Variants in SRRM4 observed in about 807,000 individuals in gnomAD.
The protein encoded by SRRM4 is serine/arginine repetitive matrix 4.
A neutral mutation model predicts 68.9 loss-of-function variants in SRRM4; 33 were observed. That is an observed-to-expected ratio of 0.48 (90% CI 0.36 to 0.64). The LOEUF is 0.64. Among genes scored for constraint, SRRM4 ranks in the 30% least tolerant of loss-of-function variants. The pLI is 0.00. For missense variants in SRRM4, 817 were observed against 827.1 expected, an observed-to-expected ratio of 0.99 and a Z score of 0.15; for synonymous variants, 318 against 318.8, an observed-to-expected ratio of 1.00 and a Z score of 0.03.
intron 8 of SRRM4, among the ~76,000 whole-genome samples, chr12:119,134,684 T>C (rs1474634423): frequency 6.6e-6 from 1 of 152,132 alleles, no homozygotes; most frequent in Non-Finnish European, 1.5e-5. Context: ...GACACTTACT[T>C]CCCTTCAGCA....
chr12:119,158,215 G>C lies in SRRM4; in HGVS notation c.*1417G>C, dbSNP rs768452676. On this transcript the variant is annotated 3_prime_UTR_variant, in exon 13 of 13. Coordinates refer to ENST00000267260, the MANE Select transcript of SRRM4 (RefSeq NM_194286.4). ...CCCCTCACCAGCTGACTGGCTTTCC[G>C]GAGGCTTGTGGGTGAGTTTCAAGTT... 1.3e-5 allele frequency: 2 copies of C among 152,840 alleles called. No homozygotes were observed. The highest frequency in any genetic ancestry group is 1.3e-4 in the Admixed American group (2 of 15,274). 9.5% of individuals were successfully genotyped at this position (152,840 alleles called of 1,614,324 possible).
chr12:119,058,241 T>C (rs1365133446), intron 1 of SRRM4, among the ~76,000 whole-genome samples: 1 of 152,222 alleles, frequency 6.6e-6, no homozygotes, highest in Non-Finnish European at 1.5e-5. Context: ...TAATAACATT[T>C]AACACTAATA....
chr12:119,132,833 T>C (rs1360518094), intron 8 of SRRM4, among the ~76,000 whole-genome samples: 4 of 152,204 alleles, frequency 2.6e-5, no homozygotes, highest in African/African-American at 9.7e-5. Flanking sequence ...ATGATTCACA[T>C]GGGCCATGGC....
chr12:119,156,775 A>G lies in SRRM4; in HGVS notation c.1813A>G (p.Ser605Gly). The change falls in exon 13 of 13, where the codon AGC (serine) becomes GGC (glycine). Residue 605 changes from serine (S) to glycine (G), a missense_variant. Ser to Gly is a moderately conservative substitution (Grantham distance 56). Transcript: ENST00000267260. ...GAGCCGGAGCTACAGCTCAGCAGAC[A>G]GCTACTCCAGCACGAGGCGCTAAGT... The part of the protein sequence containing the change: ...SQSRSYSSAD[S>G]YSSTRR 1.9e-6 allele frequency: 3 copies of G among 1,540,450 alleles called. No individual in the cohort carries two copies. Among genetic ancestry groups the G allele is most frequent in the Non-Finnish European group, 2.6e-6 (3 of 1,144,142 alleles).
chr12:119,020,531 G>A (rs1407735249), intron 1 of SRRM4, among the ~76,000 whole-genome samples: 1 of 152,186 alleles, frequency 6.6e-6, no homozygotes. Context: ...TGGGTAGAAT[G>A]ATCCATTTCA....
At chr12:118,985,858 T>G (rs542924712) in intron 1 of SRRM4, among the ~76,000 whole-genome samples, 1 of 152,326 alleles carries the variant, frequency 6.6e-6, no homozygotes, top group Non-Finnish European at 1.5e-5. Context: ...TTAATGAACA[T>G]GTAAAAATCA....
intron 1 of SRRM4, among the ~76,000 whole-genome samples, chr12:118,983,957 C>T (rs989816120): frequency 1.1e-4 from 16 of 151,940 alleles, no homozygotes; most frequent in African/African-American, 3.9e-4. Flanking sequence ...CGTGGGTCTC[C>T]TTTGCCCTAG....
In SRRM4 at chr12:119,130,779, G is replaced by T; in HGVS notation, c.716G>T (p.Ser239Ile). 1 of 1,609,636 alleles carries T rather than the reference G, an allele frequency of 6.2e-7. No homozygotes were observed. Residue 239 changes from serine to isoleucine, a missense_variant, in exon 8 of 13, where the codon AGT becomes ATT. Ser to Ile is a moderately radical substitution (Grantham distance 142). Transcript: ENST00000267260. ...LCKDSPEAQS[S>I]RPPSQPLQML... ...AAGGACAGCCCTGAGGCCCAGTCCA[G>T]TCGCCCGCCCAGTCAACCCCTCCAG...
intron 1 of SRRM4, among the ~76,000 whole-genome samples, chr12:119,064,449 T>C (rs1008851929): frequency 2.6e-5 from 4 of 152,158 alleles, no homozygotes; most frequent in Non-Finnish European, 5.9e-5. Context: ...CACTGGAGTA[T>C]GAAAAGCCAG....
chr12:119,053,404 T>TGC (rs1953757008), intron 1 of SRRM4, among the ~76,000 whole-genome samples: 1 of 152,192 alleles, frequency 6.6e-6, no homozygotes, highest in African/African-American at 2.4e-5. Context: ...CAATCATTAT[T>TGC]AGTCTTGTGT....
chr12:119,012,957 C>T (rs1953459428), intron 1 of SRRM4, among the ~76,000 whole-genome samples: 2 of 152,118 alleles, frequency 1.3e-5, no homozygotes, highest in African/African-American at 4.8e-5. Flanking sequence ...TTTACATCAA[C>T]CTGGGAGGTA....
At chr12:118,997,189 C>T (rs765983205) in intron 1 of SRRM4, among the ~76,000 whole-genome samples, 2 of 152,220 alleles carry the variant, frequency 1.3e-5, no homozygotes, top group Admixed American at 1.3e-4. Flanking sequence ...TGAACTGAGT[C>T]GCTAGTAATG....
chr12:119,041,129 A>G (rs879337986), intron 1 of SRRM4, among the ~76,000 whole-genome samples: 2 of 152,148 alleles, frequency 1.3e-5, no homozygotes, highest in Admixed American at 1.3e-4. Flanking sequence ...TTGATTGTTA[A>G]TAATTCTGTG....
At chr12:119,132,007 T>A (rs1167148184) in intron 8 of SRRM4, among the ~76,000 whole-genome samples, 1 of 152,186 alleles carries the variant, frequency 6.6e-6, no homozygotes, top group Non-Finnish European at 1.5e-5. Context: ...ACAATAATTA[T>A]CTGCAGTGCA....
intron 1 of SRRM4, among the ~76,000 whole-genome samples, chr12:119,010,948 AT>A: frequency 6.6e-6 from 1 of 152,364 alleles, no homozygotes; most frequent in Middle Eastern, 3.4e-3. Context: ...TTGTAATGTT[AT>A]TTTATATAAT....
intron 1 of SRRM4, among the ~76,000 whole-genome samples, chr12:119,023,190 C>A (rs778366789): frequency 1.3e-5 from 2 of 152,184 alleles, no homozygotes; most frequent in Non-Finnish European, 1.5e-5. Context: ...TAGTGGTTAG[C>A]AATTCCTTGC....
intron 1 of SRRM4, 88 bp downstream of exon 1, chr12:118,982,101 C>A: frequency 1.4e-6 from 2 of 1,474,314 alleles, no homozygotes; most frequent in Non-Finnish European, 1.8e-6. Context: ...ATGCAGGCAG[C>A]CGGGCCAGGG....
At chr12:119,138,943 T>A (rs537486027) in intron 8 of SRRM4, among the ~76,000 whole-genome samples, 3 of 152,206 alleles carry the variant, frequency 2.0e-5, no homozygotes, top group Non-Finnish European at 4.4e-5. Flanking sequence ...GGGTTCCAGC[T>A]CTTAAAAGGG....
intron 1 of SRRM4, among the ~76,000 whole-genome samples, chr12:119,010,352 C>T (rs1953441624): frequency 6.6e-6 from 1 of 152,198 alleles, no homozygotes; most frequent in African/African-American, 2.4e-5. Flanking sequence ...TGTGCCCAGC[C>T]TCAGAAAATA....
Sources: allele counts gnomAD v4.1 joint callset (sites outside exome capture counted in the v4.1 genomes callset), GRCh38; gene constraint gnomAD v4.1.1; transcripts MANE v1.5; gene names NCBI Gene and HGNC (gene_info 2026-07-23, HGNC 2026-07-21).